MGMT: variants seen among roughly 807,000 people sequenced by gnomAD.
The protein encoded by MGMT is methylated-DNA--protein-cysteine methyltransferase.
Under a neutral mutation model 15.9 loss-of-function variants are expected in MGMT, and 14 were observed. The observed-to-expected ratio is 0.88, with a 90% CI of 0.58 to 1.37. The LOEUF is 1.37. Ranked by LOEUF, MGMT falls within the 40% of genes most tolerant of loss-of-function variation. The pLI is 0.00. For synonymous variants in MGMT, 130 were observed against 118.2 expected (o/e 1.10, Z -0.65); for missense variants, 282 against 268.1 (o/e 1.05, Z -0.36).
At chr10:129,584,987 G>A (rs748737839) in intron 2 of MGMT, among the ~76,000 whole-genome samples, 62 of 151,986 alleles carry the variant, frequency 4.1e-4, no homozygotes, top group Middle Eastern at 3.2e-3. Flanking sequence ...ACACACACAC[G>A]TAGGCCTAGG....
At chr10:129,631,893 C>A (rs1347883429) in intron 2 of MGMT, among the ~76,000 whole-genome samples, 2 of 152,130 alleles carry the variant, frequency 1.3e-5, no homozygotes, top group Non-Finnish European at 2.9e-5. Context: ...TATGTTTTAT[C>A]AGTCCTTCTA....
intron 2 of MGMT, among the ~76,000 whole-genome samples, chr10:129,657,440 C>A (rs193118287): frequency 2.0e-5 from 3 of 151,842 alleles, no homozygotes; most frequent in South Asian, 2.1e-4. Flanking sequence ...AACAGATAAA[C>A]CCTGCCCTGA....
chr10:129,661,039 A>G (rs1054445336), intron 2 of MGMT, among the ~76,000 whole-genome samples: 11 of 152,190 alleles, frequency 7.2e-5, no homozygotes, highest in Admixed American at 3.3e-4. Context: ...TCTGTTGTAA[A>G]TATACTTCCC....
chr10:129,665,430 CAGATCAGCCCTG>C (rs1448739207), intron 2 of MGMT, among the ~76,000 whole-genome samples: 1 of 151,734 alleles, frequency 6.6e-6, no homozygotes, highest in African/African-American at 2.4e-5. Flanking sequence ...CCATGCAGTT[CAGATCAGCCCTG>C]AGAAAGGAGC....
rs188400524 is a variant in MGMT, at chr10:129,641,273, A to G, written c.126-66622A>G. Among the ~76,000 whole-genome samples, 11 of 152,342 alleles carry G rather than the reference A, an allele frequency of 7.2e-5. No homozygotes were observed. The East Asian group carries it at 1.5e-3, about 21-fold the overall frequency. ...GTCCAATGATATTTGCAGGATATAT[A>G]TACTGAAAACTACAAAACCTTAAAT... On this transcript the variant is annotated intron_variant, in intron 2 of 4. Coordinates refer to ENST00000651593, the MANE Select transcript of MGMT (RefSeq NM_002412.5).
chr10:129,676,909 A>C (rs1402243939), intron 2 of MGMT, among the ~76,000 whole-genome samples: 2 of 152,210 alleles, frequency 1.3e-5, no homozygotes, highest in Non-Finnish European at 2.9e-5. Context: ...GGAAAAAAAA[A>C]CATTGAAAAA....
chr10:129,753,181 G>A (rs1366075444), intron 3 of MGMT, among the ~76,000 whole-genome samples: 1 of 152,160 alleles, frequency 6.6e-6, no homozygotes, highest in Non-Finnish European at 1.5e-5. Flanking sequence ...AGTAGTTTCT[G>A]ATGAGAATTC....
intron 2 of MGMT, among the ~76,000 whole-genome samples, chr10:129,678,274 GTTTCTGCAC>G (rs150033266): frequency 0.091 from 13,908 of 152,194 alleles, 910 homozygotes; most frequent in Admixed American, 0.18. Context: ...GGCTGCCTTT[GTTTCTGCAC>G]TTTCAGTTCC....
intron 2 of MGMT, among the ~76,000 whole-genome samples, chr10:129,673,095 G>A (rs1352332942): frequency 3.3e-5 from 5 of 152,128 alleles, no homozygotes; most frequent in African/African-American, 1.2e-4. Context: ...CAAGTTGAGG[G>A]TGCTCAAAGG....
intron 2 of MGMT, among the ~76,000 whole-genome samples, chr10:129,706,278 C>T (rs1363410236): frequency 1.3e-5 from 2 of 152,232 alleles, no homozygotes; most frequent in African/African-American, 4.8e-5. Context: ...CCGTGCATAC[C>T]TTGTGTGGAC....
intron 1 of MGMT, among the ~76,000 whole-genome samples, chr10:129,467,970 G>A (rs987049535): frequency 1.3e-5 from 2 of 152,208 alleles, no homozygotes; most frequent in Non-Finnish European, 2.9e-5. Context: ...CTTCAGCTGA[G>A]TAGCTGGCTT....
At position 129,646,719 on chromosome 10, in the gene MGMT, A is replaced by AATATATATATATATATATATATAT. The variant is rs10543851; in HGVS notation, c.126-61163_126-61140dup. On this transcript the variant is annotated intron_variant, in intron 2 of 4. Coordinates refer to ENST00000651593, the MANE Select transcript of MGMT (RefSeq NM_002412.5). ...TTCCAGAAGCCTGCTGCCCATCAGAAATATATATATATATATATATATATA... is the reference window on the plus strand; with the variant it reads ...TTCCAGAAGCCTGCTGCCCATCAGAAATATATATATATATATATATATATATATATATATATATATATATATATA... Among the ~76,000 whole-genome samples, 126 of 81,632 alleles carry AATATATATATATATATATATATAT rather than the reference A, an allele frequency of 1.5e-3. 2 individuals are homozygous for AATATATATATATATATATATATAT. Among genetic ancestry groups the AATATATATATATATATATATATAT allele is most frequent in the Middle Eastern group, 6.2e-3 (1 of 162 alleles). 53.6% of individuals were successfully genotyped at this position (81,632 alleles called of 152,430 possible).
intron 2 of MGMT, among the ~76,000 whole-genome samples, chr10:129,662,197 TA>T (rs1252288968): frequency 8.5e-5 from 13 of 152,132 alleles, no homozygotes; most frequent in African/African-American, 2.9e-4. Context: ...AAAAGGGGGT[TA>T]GGGGAAGTAG....
At chr10:129,595,340 A>C (rs979827040) in intron 2 of MGMT, among the ~76,000 whole-genome samples, 2 of 152,142 alleles carry the variant, frequency 1.3e-5, no homozygotes, top group African/African-American at 4.8e-5. Context: ...GTACTCTTAG[A>C]TGCATTCTTC....
chr10:129,761,837 G>A (rs1321543567), intron 4 of MGMT, among the ~76,000 whole-genome samples: 3 of 152,336 alleles, frequency 2.0e-5, no homozygotes, highest in South Asian at 2.1e-4. Flanking sequence ...GGGCTCCACC[G>A]TGTGCAGTGA....
intron 2 of MGMT, among the ~76,000 whole-genome samples, chr10:129,678,825 A>G (rs567697347): frequency 6.6e-6 from 1 of 152,166 alleles, no homozygotes; most frequent in East Asian, 1.9e-4. Flanking sequence ...TGGTCCCAGC[A>G]CTTTGGGAGG....
At chr10:129,682,719 G>A (rs543074346) in intron 2 of MGMT, among the ~76,000 whole-genome samples, 15 of 152,172 alleles carry the variant, frequency 9.9e-5, no homozygotes, top group Admixed American at 2.6e-4. Flanking sequence ...CAGCTTCCTG[G>A]TTTTGGTAAC....
At chr10:129,708,202 G>A (rs1424210827) in intron 3 of MGMT, among the ~76,000 whole-genome samples, 159 bp downstream of exon 3, 3 of 152,046 alleles carry the variant, frequency 2.0e-5, no homozygotes, top group East Asian at 1.9e-4. Context: ...GGGGTTCGCC[G>A]CCTCCACCCA....
chr10:129,667,213 C>A (rs12412853), intron 2 of MGMT, among the ~76,000 whole-genome samples: 1 of 151,878 alleles, frequency 6.6e-6, no homozygotes, highest in Non-Finnish European at 1.5e-5. Flanking sequence ...CCCATCTTTT[C>A]CTGCTGCTGC....
Sources: allele counts gnomAD v4.1 joint callset (sites outside exome capture counted in the v4.1 genomes callset), GRCh38; gene constraint gnomAD v4.1.1; transcripts MANE v1.5; gene names NCBI Gene and HGNC (gene_info 2026-07-23, HGNC 2026-07-21).